PTPRD: variants seen among roughly 807,000 people sequenced by gnomAD.
The protein encoded by PTPRD is protein tyrosine phosphatase receptor type D.
A neutral mutation model predicts 214.5 loss-of-function variants in PTPRD; 34 were observed. The ratio of observed to expected loss-of-function variants is 0.16; its 90% CI spans 0.12 to 0.21. The LOEUF (loss-of-function observed/expected upper bound fraction) is 0.21, where lower values mean the gene tolerates loss of function less well. Ranked by LOEUF, PTPRD falls within the 10% of genes least tolerant of loss-of-function variation. The pLI is 1.00. For missense variants in PTPRD, 2,545 were observed against 2,398.7 expected, an observed-to-expected ratio of 1.06 and a Z score of -1.27; for synonymous variants, 1,128 against 845.7, an observed-to-expected ratio of 1.33 and a Z score of -5.79.
chr9:9,462,065 T>G (rs763889309), intron 8 of PTPRD, among the ~76,000 whole-genome samples: 10 of 152,170 alleles, frequency 6.6e-5, no homozygotes, highest in Non-Finnish European at 1.5e-4. Flanking sequence ...CTATAATATC[T>G]ATGTCTTGTT....
intron 11 of PTPRD, among the ~76,000 whole-genome samples, chr9:8,778,133 T>C (rs4606116): frequency 0.11 from 17,036 of 152,260 alleles, 1,028 homozygotes; most frequent in Middle Eastern, 0.13. Flanking sequence ...CTTTTTACTG[T>C]TTAGGTGGTT....
At chr9:8,983,715 A>T (rs1465092632) in intron 11 of PTPRD, among the ~76,000 whole-genome samples, 1 of 151,790 alleles carries the variant, frequency 6.6e-6, no homozygotes, top group African/African-American at 2.4e-5. Context: ...ACAGGGTCTC[A>T]TTATGTTGCC....
chr9:8,713,847 G>T, intron 12 of PTPRD: 2 of 1,433,018 alleles, frequency 1.4e-6, no homozygotes, highest in Non-Finnish European at 1.9e-6. Context: ...TCTAGGTGCA[G>T]GGCCCTCGCC....
chr9:8,735,366 A>G lies in PTPRD; in HGVS notation c.-103-1420T>C, dbSNP rs1244104374. ...ACCATGTTAACCAAGCTGGTCTCAA[A>G]CTCCTGGCATCAAGTGATCTGCCTG... On this transcript the variant is annotated intron_variant, in intron 11 of 45. Transcript: ENST00000381196. Among the ~76,000 whole-genome samples the G allele has an allele frequency of 2.0e-5, 3 of 150,358 alleles. No homozygotes were observed. The East Asian group carries it at 6.0e-4, about 30-fold the overall frequency.
intron 4 of PTPRD, among the ~76,000 whole-genome samples, chr9:9,986,425 AT>A (rs1364210728): frequency 2.0e-5 from 3 of 152,112 alleles, no homozygotes; most frequent in Non-Finnish European, 2.9e-5. Flanking sequence ...ATTGTAGAAT[AT>A]TTTTAGGTGA....
At chr9:9,849,819 T>C (rs531845756) in intron 5 of PTPRD, among the ~76,000 whole-genome samples, 1 of 152,234 alleles carries the variant, frequency 6.6e-6, no homozygotes, top group South Asian at 2.1e-4. Context: ...AATCTTCAAA[T>C]GCTTTTCCTG....
chr9:9,116,784 C>A (rs1380649079), intron 10 of PTPRD, among the ~76,000 whole-genome samples: 1 of 152,072 alleles, frequency 6.6e-6, no homozygotes, highest in Non-Finnish European at 1.5e-5. Flanking sequence ...TGCAGAGGAT[C>A]AAGTTCTTCA....
At chr9:8,746,747 G>A (rs894215171) in intron 11 of PTPRD, among the ~76,000 whole-genome samples, 1 of 152,162 alleles carries the variant, frequency 6.6e-6, no homozygotes, top group Non-Finnish European at 1.5e-5. Context: ...TAATCCCAGT[G>A]CTTTCAGAGG....
chr9:10,018,246 G>GA (rs961733870), intron 4 of PTPRD, among the ~76,000 whole-genome samples: 22 of 151,142 alleles, frequency 1.5e-4, no homozygotes, highest in Admixed American at 1.1e-3. Flanking sequence ...AAAAGGAAAG[G>GA]AAAAAAAAAT....
intron 39 of PTPRD, among the ~76,000 whole-genome samples, chr9:8,356,096 C>T (rs6477296): frequency 0.6 from 90,494 of 152,052 alleles, 29,863 homozygotes; most frequent in Non-Finnish European, 0.76. Context: ...TTCAAAAACG[C>T]AAAGTTTGCT....
In PTPRD at chr9:9,973,464, C is replaced by T. The variant is rs1394843119; in HGVS notation, c.-471-34854G>A. On this transcript the variant is annotated intron_variant, in intron 4 of 45. Coordinates refer to ENST00000381196, the MANE Select transcript of PTPRD (RefSeq NM_002839.4). ...TGCACCCTGGGTGACAGAGTGAGAC[C>T]TTGTCTCAAAAAAAAAAAATTAAAA... Among the ~76,000 whole-genome samples the T allele has an allele frequency of 4.6e-5, 7 of 151,424 alleles. No homozygotes were observed. The East Asian group carries it at 5.8e-4, about 13-fold the overall frequency.
rs551504693 is a variant in PTPRD at position 9,944,711 on chromosome 9, C to T, written c.-471-6101G>A. Among the ~76,000 whole-genome samples, 10 of 150,768 alleles carry T rather than the reference C, an allele frequency of 6.6e-5. No homozygotes were observed. The South Asian group carries it at 1.5e-3, about 22-fold the overall frequency. ...GCAAGAAATCCAGCTTTTTTTTTTCCAGTGGATTGAATGAGGGAAAGACAT... is the reference window on the plus strand; with the variant it reads ...GCAAGAAATCCAGCTTTTTTTTTTCTAGTGGATTGAATGAGGGAAAGACAT... On this transcript the variant is annotated intron_variant, in intron 4 of 45. Transcript: ENST00000381196.
At chr9:10,581,938 A>G (rs564882788) in intron 2 of PTPRD, among the ~76,000 whole-genome samples, 2 of 152,334 alleles carry the variant, frequency 1.3e-5, no homozygotes, top group South Asian at 4.1e-4. Flanking sequence ...ATTATCACAA[A>G]TAATAAATTC....
chr9:9,479,215 G>GTCC (rs1555458059), intron 8 of PTPRD, among the ~76,000 whole-genome samples: 1 of 20,552 alleles, frequency 4.9e-5, no homozygotes, highest in African/African-American at 1.8e-4. Context: ...ACACACACAC[G>GTCC]CCCCCCCCCC....
At chr9:8,865,038 G>A (rs529569627) in intron 11 of PTPRD, among the ~76,000 whole-genome samples, 13 of 152,272 alleles carry the variant, frequency 8.5e-5, no homozygotes, top group African/African-American at 2.6e-4. Context: ...TGCACAAAGC[G>A]TGATAGAAAT....
intron 2 of PTPRD, among the ~76,000 whole-genome samples, chr9:10,544,581 T>G (rs990032225): frequency 4.6e-5 from 7 of 152,194 alleles, no homozygotes; most frequent in Non-Finnish European, 1.0e-4. Flanking sequence ...ACCCATCATT[T>G]GCTAACCAGC....
chr9:10,598,523 T>C (rs1475817281), intron 2 of PTPRD, among the ~76,000 whole-genome samples: 2 of 151,766 alleles, frequency 1.3e-5, no homozygotes, highest in Non-Finnish European at 1.5e-5. Context: ...ACATTCCTTA[T>C]TGCACAGAAA....
intron 11 of PTPRD, among the ~76,000 whole-genome samples, chr9:8,831,491 C>T (rs2097290802): frequency 6.6e-6 from 1 of 152,112 alleles, no homozygotes; most frequent in African/African-American, 2.4e-5. Flanking sequence ...ACACATTATA[C>T]AGTCTACATA....
chr9:9,177,065 A>G (rs1322783477), intron 10 of PTPRD, among the ~76,000 whole-genome samples: 1 of 152,164 alleles, frequency 6.6e-6, no homozygotes, highest in African/African-American at 2.4e-5. Flanking sequence ...TGGGTAATTT[A>G]TAAAGAAAAG....
Sources: allele counts gnomAD v4.1 joint callset (sites outside exome capture counted in the v4.1 genomes callset), GRCh38; gene constraint gnomAD v4.1.1; transcripts MANE v1.5; gene names NCBI Gene and HGNC (gene_info 2026-07-23, HGNC 2026-07-21).